Variants in MTM1 observed in about 807,000 individuals in gnomAD.
The protein encoded by MTM1 is myotubularin.
In MTM1, 9 loss-of-function variants were observed where a neutral mutation model predicts 52.1. The ratio of observed to expected loss-of-function variants is 0.17; its 90% confidence interval spans 0.10 to 0.30. The LOEUF (loss-of-function observed/expected upper bound fraction) is 0.30, where lower values mean the gene tolerates loss of function less well. Ranked by LOEUF, MTM1 falls within the 10% of genes least tolerant of loss-of-function variation. The pLI, the probability that MTM1 is intolerant of heterozygous loss-of-function variation, is 1.00. For synonymous variants in MTM1, 136 were observed against 163.8 expected (o/e 0.83, Z 1.29); for missense variants, 277 against 470.7 (o/e 0.59, Z 3.81).
intron 14 of MTM1, among the ~76,000 whole-genome samples, chrX:150,668,514 C>A (rs186421353): frequency 2.1e-3 from 197 of 95,976 alleles, no homozygotes; most frequent in South Asian, 4.6e-3. Flanking sequence ...TAGTGAGACC[C>A]CCTCCTCCAT....
At chrX:150,596,409 C>T (rs1603123763) in intron 2 of MTM1, 89 bp from the exon 3 acceptor site, 2 of 733,865 alleles carry the variant, frequency 2.7e-6, no homozygotes, top group East Asian at 6.6e-5. Context: ...CTTTAAAAAA[C>T]ATATTTCTAG....
chrX:150,583,220 TTATATAAATTA>T (rs1177031948), intron 1 of MTM1, among the ~76,000 whole-genome samples: 9 of 69,485 alleles, frequency 1.3e-4, no homozygotes, highest in Admixed American at 7.4e-4. Context: ...TATATAAAAA[TTATATAAATTA>T]TATATAAATT....
At chrX:150,629,690 A>G (rs1268178773) in intron 6 of MTM1, among the ~76,000 whole-genome samples, 1 of 112,577 alleles carries the variant, frequency 8.9e-6, no homozygotes, top group East Asian at 2.8e-4. Context: ...TTCAATAAAT[A>G]TTTACTTTTT....
At chrX:150,574,318 GGTGAAACA>G (rs1167995371) in intron 1 of MTM1, among the ~76,000 whole-genome samples, 1 of 111,286 alleles carries the variant, frequency 9.0e-6, no homozygotes, top group African/African-American at 3.3e-5. Context: ...CCCGGGAGCT[GGTGAAACA>G]GGCAGAATTT....
chrX:150,618,238 A>C (rs1201742869), intron 5 of MTM1, among the ~76,000 whole-genome samples: 3 of 112,355 alleles, frequency 2.7e-5, no homozygotes, highest in Non-Finnish European at 5.6e-5. Context: ...AGGGCTTAAA[A>C]TGTCAGTCAT....
At chrX:150,583,043 T>G (rs1437291879) in intron 1 of MTM1, among the ~76,000 whole-genome samples, 1 of 91,098 alleles carries the variant, frequency 1.1e-5, no homozygotes, top group Non-Finnish European at 2.1e-5. Context: ...TATTTAAATA[T>G]AATTTATATA....
intron 4 of MTM1, 62 bp from the exon 5 acceptor site, chrX:150,614,527 G>A: frequency 1.5e-6 from 1 of 685,459 alleles, no homozygotes; most frequent in Admixed American, 2.5e-5. Flanking sequence ...GTTTTTATAT[G>A]TTTTTTGATG....
chrX:150,571,546 C>CT (rs1557411462), intron 1 of MTM1, among the ~76,000 whole-genome samples: 1 of 112,539 alleles, frequency 8.9e-6, no homozygotes, highest in African/African-American at 3.2e-5. Context: ...AGAAAAGTGT[C>CT]TTGCATGTAG....
At chrX:150,597,765 A>G (rs1195177491) in intron 3 of MTM1, among the ~76,000 whole-genome samples, 1 of 111,419 alleles carries the variant, frequency 9.0e-6, no homozygotes, top group Non-Finnish European at 1.9e-5. Flanking sequence ...GTTTGAAATG[A>G]ACCTAGCCAA....
rs782758280 is a variant in MTM1, at chrX:150,663,454, T to C, written c.1489T>C (p.Ser497Pro). The change falls in exon 14 of 15, where the codon TCT (serine) becomes CCT (proline). Residue 497 changes from serine to proline, a missense_variant. Transcript: ENST00000370396. ...GTAGAAGGTTACAGAAAGGACTGTT[T>C]CTTTATGGTCACTGATAAACAGTAA... Reference protein sequence around the residue: ...ERQKVTERTVSLWSLINSNKE... With the variant: ...ERQKVTERTVPLWSLINSNKE... 7 of 1,211,070 alleles carry C rather than the reference T, an allele frequency of 5.8e-6. No homozygotes were observed. The highest frequency in any genetic ancestry group is 7.8e-6 in the Non-Finnish European group (7 of 894,765).
At chrX:150,623,511 C>T (rs782024027) in intron 6 of MTM1, among the ~76,000 whole-genome samples, 12 of 110,709 alleles carry the variant, frequency 1.1e-4, no homozygotes, top group Non-Finnish European at 1.9e-4. Context: ...AAAAGAGTGG[C>T]AGGCATGTTG....
At chrX:150,583,290 TA>T (rs1330781069) in intron 1 of MTM1, among the ~76,000 whole-genome samples, 137 of 58,218 alleles carry the variant, frequency 2.4e-3, no homozygotes, top group Non-Finnish European at 3.3e-3. Context: ...TAAATATATA[TA>T]AATTATATAT....
At chrX:150,620,558 G>A (rs1466642351) in intron 6 of MTM1, among the ~76,000 whole-genome samples, 4 of 111,330 alleles carry the variant, frequency 3.6e-5, no homozygotes, top group African/African-American at 9.8e-5. Flanking sequence ...TTTGACCATC[G>A]TCTTCTTGAA....
chrX:150,567,937 T>TA (rs782509516), upstream of MTM1, among the ~76,000 whole-genome samples: 2 of 112,106 alleles, frequency 1.8e-5, no homozygotes, highest in African/African-American at 3.2e-5. Context: ...CCTTTCTTTT[T>TA]ACTGTATCAA....
intron 1 of MTM1, among the ~76,000 whole-genome samples, chrX:150,573,114 T>C (rs2038408739): frequency 8.9e-6 from 1 of 112,811 alleles, no homozygotes; most frequent in Admixed American, 9.3e-5. Flanking sequence ...ATTATTTAAC[T>C]TGAACTAGAC....
At chrX:150,625,725 C>T (rs147069190) in intron 6 of MTM1, among the ~76,000 whole-genome samples, 2,334 of 112,639 alleles carry the variant, frequency 0.021, 27 homozygotes, top group Non-Finnish European at 0.033. Context: ...CTGCATGAAG[C>T]TCTTTCGCAT....
intron 1 of MTM1, among the ~76,000 whole-genome samples, chrX:150,585,767 A>T (rs2038775226): frequency 8.9e-6 from 1 of 112,281 alleles, no homozygotes; most frequent in Non-Finnish European, 1.9e-5. Flanking sequence ...CAGTATTGCT[A>T]GGTAGCCTTT....
chrX:150,586,356 C>T (rs1327652691), intron 1 of MTM1, among the ~76,000 whole-genome samples: 1 of 110,323 alleles, frequency 9.1e-6, no homozygotes, highest in African/African-American at 3.3e-5. Flanking sequence ...GATATCTGAG[C>T]CTGAATAGAA....
At chrX:150,621,272 T>A (rs782229372) in intron 6 of MTM1, among the ~76,000 whole-genome samples, 1 of 109,466 alleles carries the variant, frequency 9.1e-6, no homozygotes, top group Non-Finnish European at 1.9e-5. Flanking sequence ...GCTTTTCAGT[T>A]CCCCCCCTGC....
Sources: allele counts gnomAD v4.1 joint callset (sites outside exome capture counted in the v4.1 genomes callset), GRCh38; gene constraint gnomAD v4.1.1; transcripts MANE v1.5; gene names NCBI Gene and HGNC (gene_info 2026-07-23, HGNC 2026-07-21).